Variants in FBRSL1 observed in about 807,000 individuals in gnomAD.
The protein encoded by FBRSL1 is fibrosin like 1.
Under a neutral mutation model 89.6 loss-of-function variants are expected in FBRSL1, and 51 were observed. The observed-to-expected ratio is 0.57, with a 90% confidence interval of 0.45 to 0.72. The LOEUF is 0.72. Ranked by LOEUF, FBRSL1 falls within the 30% of genes least tolerant of loss-of-function variation. FBRSL1 has a pLI of 0.00. For synonymous variants in FBRSL1, 779 were observed against 681.1 expected, an observed-to-expected ratio of 1.14 and a Z score of -2.24; for missense variants, 1,618 against 1,451.8, an observed-to-expected ratio of 1.11 and a Z score of -1.86.
At chr12:132,582,425 C>T (rs2040835259) in intron 18 of FBRSL1, among the ~76,000 whole-genome samples, 159 bp downstream of exon 18, 2 of 149,878 alleles carry the variant, frequency 1.3e-5, no homozygotes, top group Admixed American at 6.6e-5. Flanking sequence ...GTTCCCCCTC[C>T]CCCATTCCCT....
chr12:132,507,428 C>T (rs1289634642), intron 1 of FBRSL1: 4 of 985,490 alleles, frequency 4.1e-6, no homozygotes, highest in Non-Finnish European at 4.8e-6. Flanking sequence ...GGTGGGGACC[C>T]CAGAACCTGG....
intron 4 of FBRSL1, among the ~76,000 whole-genome samples, chr12:132,542,097 C>A (rs4883559): frequency 0.16 from 24,522 of 152,284 alleles, 2,843 homozygotes; most frequent in East Asian, 0.4. Flanking sequence ...CATTGGGACA[C>A]GTGGCAGGAC....
At chr12:132,494,604 G>T (rs2031678172) in intron 1 of FBRSL1, among the ~76,000 whole-genome samples, 2 of 152,252 alleles carry the variant, frequency 1.3e-5, no homozygotes, top group Admixed American at 1.3e-4. Flanking sequence ...TTGGCCACTA[G>T]CTCCAGGCGG....
intron 15 of FBRSL1, among the ~76,000 whole-genome samples, chr12:132,578,577 T>TACCCACGTGTACAGGCACACGTACAC (rs1285524333): frequency 9.9e-5 from 15 of 152,124 alleles, no homozygotes; most frequent in Admixed American, 3.3e-4. Context: ...CACACGTACA[T>TACCCACGTGTACAGGCACACGTACAC]ACCCACGTGT....
intron 15 of FBRSL1, among the ~76,000 whole-genome samples, chr12:132,578,103 T>G (rs1207358921): frequency 2.6e-5 from 4 of 152,250 alleles, no homozygotes; most frequent in Non-Finnish European, 5.9e-5. Flanking sequence ...GCATAAACAG[T>G]TGCTGAACAC....
chr12:132,535,297 C>T (rs2036615471), intron 4 of FBRSL1, among the ~76,000 whole-genome samples: 1 of 152,208 alleles, frequency 6.6e-6, no homozygotes, highest in South Asian at 2.1e-4. Flanking sequence ...TTATTCATTC[C>T]CTGACACAGG....
intron 2 of FBRSL1, among the ~76,000 whole-genome samples, chr12:132,522,502 G>A (rs997898180): frequency 2.0e-5 from 3 of 152,190 alleles, no homozygotes; most frequent in Admixed American, 6.5e-5. Context: ...GCTGCCCAGT[G>A]GAGTGCAGCT....
At position 132,525,740 on chromosome 12, in the gene FBRSL1, G is replaced by A; in HGVS notation, c.496G>A (p.Val166Ile). The A allele has an allele frequency of 4.5e-6, 7 of 1,549,514 alleles. No homozygotes were observed. Among genetic ancestry groups the A allele is most frequent in the African/African-American group, 1.4e-5 (1 of 73,130 alleles). ...GTGTCTCTCTCTGTCCCAGATGAAGGTCACCGTGTCCAAAGGGGGCGACCG... is the reference window on the plus strand; with the variant it reads ...GTGTCTCTCTCTGTCCCAGATGAAGATCACCGTGTCCAAAGGGGGCGACCG... ...VPLQPSKQMK[V>I]TVSKGGDRDS... The change falls in exon 3 of 19, where the codon GTC becomes ATC. Residue 166 changes from valine to isoleucine, a missense_variant. Transcript: ENST00000680143.
intron 1 of FBRSL1, among the ~76,000 whole-genome samples, chr12:132,503,253 G>C (rs2033252972): frequency 6.6e-6 from 1 of 152,178 alleles, no homozygotes; most frequent in Admixed American, 6.5e-5. Context: ...GGGCAGCCCA[G>C]CTCCCAGCTG....
rs1366458123 is a variant in FBRSL1 at position 132,547,993 on chromosome 12, G to C, written c.616-10G>C. 1.3e-6 allele frequency: 2 copies of C among 1,550,046 alleles called. No individual in the cohort carries two copies. The highest frequency in any genetic ancestry group is 1.7e-6 in the Non-Finnish European group (2 of 1,146,630). ...GGCCCCGACTCACTTCTGTCTCTCT[G>C]TCCCTGCAGTGTGACAGCGAGAGCG... On this transcript the variant is annotated splice_polypyrimidine_tract_variant and intron_variant, in intron 4 of 18. Coordinates refer to ENST00000680143, the MANE Select transcript of FBRSL1 (RefSeq NM_001367871.1).
At chr12:132,533,781 C>T (rs1333025586) in intron 4 of FBRSL1, among the ~76,000 whole-genome samples, 3 of 152,242 alleles carry the variant, frequency 2.0e-5, no homozygotes, top group Non-Finnish European at 2.9e-5. Context: ...GTGAGGAGCA[C>T]GTCACACAGG....
At chr12:132,562,382 G>T (rs1229958029) in intron 5 of FBRSL1, among the ~76,000 whole-genome samples, 1 of 152,144 alleles carries the variant, frequency 6.6e-6, no homozygotes, top group African/African-American at 2.4e-5. Context: ...GGGCTGGGAG[G>T]GTCCCTTTCT....
intron 1 of FBRSL1, among the ~76,000 whole-genome samples, chr12:132,495,646 G>A (rs886160129): frequency 1.3e-5 from 2 of 152,236 alleles, no homozygotes; most frequent in Non-Finnish European, 2.9e-5. Context: ...GGCCTGCCCT[G>A]TGACAATGAG....
At chr12:132,543,815 C>T (rs1296977752) in intron 4 of FBRSL1, among the ~76,000 whole-genome samples, 1 of 152,242 alleles carries the variant, frequency 6.6e-6, no homozygotes, top group Non-Finnish European at 1.5e-5. Context: ...AGGACGAAAC[C>T]GGTGCCTGTG....
intron 5 of FBRSL1, among the ~76,000 whole-genome samples, 157 bp downstream of exon 5, chr12:132,548,189 A>G (rs953311269): frequency 1.3e-5 from 2 of 151,910 alleles, no homozygotes; most frequent in Admixed American, 6.5e-5. Context: ...CCTCCCAGGT[A>G]TGGGGGTGCT....
At chr12:132,517,363 G>A (rs1272436364) in intron 2 of FBRSL1, among the ~76,000 whole-genome samples, 3 of 152,196 alleles carry the variant, frequency 2.0e-5, no homozygotes, top group African/African-American at 7.2e-5. Flanking sequence ...CACAGCCTGG[G>A]GCTAGCCGTT....
At chr12:132,571,812 G>A (rs2040034602) in intron 9 of FBRSL1, 1 of 325,914 alleles carries the variant, frequency 3.1e-6, no homozygotes, top group African/African-American at 2.2e-5. Context: ...TGCCAGGGCT[G>A]GAGGCCCAGA....
At chr12:132,493,938 A>T (rs2031561103) in intron 1 of FBRSL1, among the ~76,000 whole-genome samples, 1 of 152,066 alleles carries the variant, frequency 6.6e-6, no homozygotes. Context: ...CCCTGGAGAC[A>T]GCATTAATGA....
At chr12:132,512,484 C>T (rs958742104) in intron 2 of FBRSL1, among the ~76,000 whole-genome samples, 7 of 152,208 alleles carry the variant, frequency 4.6e-5, no homozygotes, top group Non-Finnish European at 8.8e-5. Flanking sequence ...GCTTGGAGGG[C>T]GGTGCCATCT....
Sources: allele counts gnomAD v4.1 joint callset (sites outside exome capture counted in the v4.1 genomes callset), GRCh38; gene constraint gnomAD v4.1.1; transcripts MANE v1.5; gene names NCBI Gene and HGNC (gene_info 2026-07-23, HGNC 2026-07-21).